The following SLC16A6 variants were observed in gnomAD, a reference collection of about 807,000 sequenced individuals.
SLC16A6 encodes the protein monocarboxylate transporter 7.
A neutral mutation model predicts 33.8 loss-of-function variants in SLC16A6; 15 were observed. The ratio of observed to expected loss-of-function variants is 0.44; its 90% confidence interval spans 0.30 to 0.68. The LOEUF is 0.68. Among genes scored for constraint, SLC16A6 ranks in the 30% least tolerant of loss-of-function variants. The pLI is 0.10. For missense variants in SLC16A6, 451 were observed against 661.5 expected, an observed-to-expected ratio of 0.68 and a Z score of 3.49; for synonymous variants, 219 against 248.4, an observed-to-expected ratio of 0.88 and a Z score of 1.11.
chr17:68,269,590 G>A (rs1291371508), intron 5 of SLC16A6, among the ~76,000 whole-genome samples: 1 of 145,644 alleles, frequency 6.9e-6, no homozygotes, highest in Non-Finnish European at 1.5e-5. Context: ...TAAAACCTGG[G>A]ACATTTCGAT....
In SLC16A6 at chr17:68,268,089, CT is replaced by C. The variant is rs1283720683; in HGVS notation, c.*1006del. 1.3e-5 allele frequency: 2 copies of C among 152,130 alleles called. No homozygotes were observed. Among genetic ancestry groups the C allele is most frequent in the Admixed American group, 6.6e-5 (1 of 15,262 alleles). The allele number at this position is 152,130 out of a possible 1,614,324, so 9.4% of individuals were successfully genotyped here. On this transcript the variant is annotated 3_prime_UTR_variant, in exon 6 of 6. Coordinates refer to ENST00000580666, the MANE Select transcript of SLC16A6 (RefSeq NM_004694.5). ...TCCCCTTTAATAGCACACGTTGCCC[CT>C]AATCAAATGGAAGAATCATGACAAC...
chr17:68,274,710 A>AT (rs1555750333), intron 2 of SLC16A6: 2 of 151,240 alleles, frequency 1.3e-5, no homozygotes, highest in African/African-American at 4.9e-5. Context: ...TGCTTGAATT[A>AT]TTTTTTCTCT....
At chr17:68,272,892 T>A in intron 3 of SLC16A6, 125 bp from the exon 4 acceptor site, 1 of 1,161,818 alleles carries the variant, frequency 8.6e-7, no homozygotes, top group Non-Finnish European at 1.2e-6. Flanking sequence ...GCCAAGTAAT[T>A]CATTCTGGAC....
chr17:68,285,269 A>G (rs11868896), intron 1 of SLC16A6, among the ~76,000 whole-genome samples: 54,353 of 151,982 alleles, frequency 0.36, 9,839 homozygotes, highest in East Asian at 0.39. Flanking sequence ...GTTTTAATGG[A>G]GGGCTCAGGA....
rs374399675 is a variant in SLC16A6, at chr17:68,274,942, G to A, written c.233-872C>T. Among the ~76,000 whole-genome samples the A allele has an allele frequency of 1.3e-4, 20 of 152,186 alleles. No individual in the cohort carries two copies. In the South Asian group the frequency reaches 3.5e-3, roughly 27 times the overall value. On this transcript the variant is annotated intron_variant, in intron 2 of 5. Transcript: ENST00000580666. ...ATTACAGGCATGTGCCACCATGCCCGGCTGATTGTGTATTTTTAGTAGAGA... is the reference window on the plus strand; with the variant it reads ...ATTACAGGCATGTGCCACCATGCCCAGCTGATTGTGTATTTTTAGTAGAGA...
Position 68,268,176 on chromosome 17 carries a change from T to C in SLC16A6, c.*920A>G, listed in dbSNP as rs1173545289. The stretch of plus-strand genomic sequence containing the variant: ...CGTATTCTGTGAGGCATTTAAAGGA[T>C]TGCAGAAAGGAGGTAAAAATGCTGC... On this transcript the variant is annotated 3_prime_UTR_variant, in exon 6 of 6. Transcript: ENST00000580666. 3 of 152,400 alleles carry C rather than the reference T, an allele frequency of 2.0e-5. No individual in the cohort carries two copies. Among genetic ancestry groups the C allele is most frequent in the Admixed American group, 6.5e-5 (1 of 15,270 alleles). 9.4% of individuals were successfully genotyped at this position (152,400 alleles called of 1,614,324 possible). A position where few individuals can be genotyped will look rare whatever the true frequency, so the allele number is the denominator to read the frequency against.
chr17:68,287,799 G>C (rs2075874169), intron 1 of SLC16A6, among the ~76,000 whole-genome samples: 1 of 151,974 alleles, frequency 6.6e-6, no homozygotes, highest in Admixed American at 6.6e-5. Context: ...AACCTTCCTG[G>C]GTGATAATGC....
intron 1 of SLC16A6, among the ~76,000 whole-genome samples, chr17:68,284,832 CTT>C (rs2075805202): frequency 6.6e-6 from 1 of 152,154 alleles, no homozygotes; most frequent in South Asian, 2.1e-4. Context: ...TGAGTATGCT[CTT>C]TGCAGCAAAG....
At chr17:68,287,407 A>G (rs1380581458) in intron 1 of SLC16A6, among the ~76,000 whole-genome samples, 2 of 150,206 alleles carry the variant, frequency 1.3e-5, no homozygotes, top group East Asian at 2.0e-4. Context: ...CGATCCTCCC[A>G]CCTCGGCCTC....
rs181381221 is a variant in SLC16A6 at position 68,287,880 on chromosome 17, T to C, written c.-8+3206A>G. ...AGTCATAAGGGGAGAAAGTGCTTGGTTGCAGAATAAAACCCTTCCTGGACT... is the reference window on the plus strand; with the variant it reads ...AGTCATAAGGGGAGAAAGTGCTTGGCTGCAGAATAAAACCCTTCCTGGACT... On this transcript the variant is annotated intron_variant, in intron 1 of 5. Transcript: ENST00000580666. Among the ~76,000 whole-genome samples the C allele has an allele frequency of 2.0e-3, 305 of 152,258 alleles. 5 individuals carry two copies. Among genetic ancestry groups the C allele is most frequent in the Middle Eastern group, 0.017 (5 of 294 alleles).
intron 2 of SLC16A6, among the ~76,000 whole-genome samples, chr17:68,277,504 A>C (rs576481891): frequency 6.6e-6 from 1 of 152,086 alleles, no homozygotes; most frequent in Non-Finnish European, 1.5e-5. Context: ...ATCTCAGCTC[A>C]CTGCAACCTC....
At chr17:68,270,497 TG>T (rs1395051922) in intron 5 of SLC16A6, among the ~76,000 whole-genome samples, 1 of 148,446 alleles carries the variant, frequency 6.7e-6, no homozygotes, top group Non-Finnish European at 1.5e-5. Context: ...GAGGTTGCAG[TG>T]AGCTGAGACT....
rs2075199242 is a variant in SLC16A6, at chr17:68,267,638, G to A, written c.*1458C>T. The A allele has an allele frequency of 6.6e-6, 1 of 152,180 alleles. No individual in the cohort carries two copies. The highest frequency in any genetic ancestry group is 1.5e-5 in the Non-Finnish European group (1 of 68,030). 9.4% of individuals were successfully genotyped at this position (152,180 alleles called of 1,614,324 possible). A position where few individuals can be genotyped will look rare whatever the true frequency, so the allele number is the denominator to read the frequency against. The stretch of plus-strand genomic sequence containing the variant: ...GCAAGCATTGACCATCACCTGCAGG[G>A]TGAGATTGTGGTAAAATAGGTGAGT... On this transcript the variant is annotated 3_prime_UTR_variant, in exon 6 of 6. Coordinates refer to ENST00000580666, the MANE Select transcript of SLC16A6 (RefSeq NM_004694.5).
intron 1 of SLC16A6, among the ~76,000 whole-genome samples, chr17:68,288,104 C>G (rs1555754803): frequency 6.6e-6 from 1 of 151,492 alleles, no homozygotes; most frequent in East Asian, 1.9e-4. Flanking sequence ...TCAAGCGACT[C>G]TCCTGCCTCA....
Position 68,271,100 on chromosome 17 carries a change from C to A in SLC16A6, c.1060G>T (p.Glu354Ter). Reference sequence around the variant, plus strand: ...TCAATGTAAATCTTACGAATGGGCTCCCTGTTGAGGACAAAACCAGCTCCG... The same window carrying A: ...TCAATGTAAATCTTACGAATGGGCTACCTGTTGAGGACAAAACCAGCTCCG... ...RIGAGFVLNR[E>*]PIRKIYIELI... Residue 354 changes from glutamate (E) to a stop codon, truncating the protein, a stop_gained, in exon 5 of 6, where the codon GAG becomes TAG. Transcript: ENST00000580666. LOFTEE classifies it high-confidence loss of function. This position sits in a 1 kb window ranked among gnomAD's most constrained non-coding sequence, Gnocchi z 5.3. 2 of 1,614,182 alleles carry A rather than the reference C, an allele frequency of 1.2e-6. No individual in the cohort carries two copies. Among genetic ancestry groups the A allele is most frequent in the Non-Finnish European group, 1.7e-6 (2 of 1,180,046 alleles).
At chr17:68,288,706 G>T (rs782778443) in intron 1 of SLC16A6, among the ~76,000 whole-genome samples, 45 of 152,160 alleles carry the variant, frequency 3.0e-4, no homozygotes, top group Non-Finnish European at 5.7e-4. Context: ...GCCTTTGACC[G>T]TCACTTGCTT....
At chr17:68,275,126 C>T (rs2075471710) in intron 2 of SLC16A6, among the ~76,000 whole-genome samples, 1 of 152,222 alleles carries the variant, frequency 6.6e-6, no homozygotes, top group Admixed American at 6.5e-5. Context: ...CTAAGTTATG[C>T]ACTCCTGAAG....
In SLC16A6 at chr17:68,270,968, T is replaced by C; in HGVS notation, c.1192A>G (p.Thr398Ala). Residue 398 changes from threonine (T) to alanine (A), a missense_variant, in exon 5 of 6, where the codon ACA (threonine) becomes GCA (alanine). Physicochemically the swap from Thr to Ala is moderately conservative, Grantham distance 58. Transcript: ENST00000580666. Reference protein sequence around the residue: ...CSIFFGFMVGTIGGTHIPLLA... With the variant: ...CSIFFGFMVGAIGGTHIPLLA... Reference sequence around the variant, plus strand: ...AGTGGAATGTGAGTCCCTCCTATTGTTCCAACCATAAACCCAAAAAATATG... The same window carrying C: ...AGTGGAATGTGAGTCCCTCCTATTGCTCCAACCATAAACCCAAAAAATATG... 6 of 1,614,130 alleles carry C rather than the reference T, an allele frequency of 3.7e-6. No homozygotes were observed. The highest frequency in any genetic ancestry group is 5.1e-6 in the Non-Finnish European group (6 of 1,180,028).
chr17:68,282,502 A>C (rs2145121574), intron 1 of SLC16A6, among the ~76,000 whole-genome samples: 1 of 152,156 alleles, frequency 6.6e-6, no homozygotes, highest in Admixed American at 6.5e-5. Context: ...TAAAAAAAAA[A>C]AAAACTACAC....
Sources: gnomAD v4.1 joint callset for allele counts (sites outside exome capture counted in the v4.1 genomes callset) on GRCh38, gnomAD v4.1.1 for gene constraint, Gnocchi (gnomAD v3.1) non-coding constraint, MANE v1.5 for transcripts, NCBI Gene and HGNC (gene_info 2026-07-23, HGNC 2026-07-21) for gene names.